The following SLC18A2 variants were observed in gnomAD, a reference collection of about 807,000 sequenced individuals.
The protein encoded by SLC18A2 is solute carrier family 18 member A2.
Under a neutral mutation model 59.2 loss-of-function variants are expected in SLC18A2, and 33 were observed. That is an observed-to-expected ratio of 0.56 (90% CI 0.42 to 0.75). The LOEUF is 0.75. SLC18A2 is among the 30% of genes least tolerant of loss of function. The probability of loss-of-function intolerance (pLI) is 0.00; values close to 1 mark genes in which losing one functional copy is unlikely to be tolerated. For missense variants in SLC18A2, 569 were observed against 668.6 expected (o/e 0.85, Z 1.64); for synonymous variants, 228 against 253.5 (o/e 0.90, Z 0.95).
intron 12 of SLC18A2, 157 bp from the exon 13 acceptor site, chr10:117,267,516 G>T (rs185965469): frequency 3.4e-4 from 172 of 507,920 alleles, no homozygotes; most frequent in Middle Eastern, 1.1e-3. Flanking sequence ...AGATTTGGAG[G>T]GTCCGGTTCT....
chr10:117,244,696 A>G (rs1336060718), intron 3 of SLC18A2, among the ~76,000 whole-genome samples: 1 of 152,160 alleles, frequency 6.6e-6, no homozygotes, highest in Non-Finnish European at 1.5e-5. Flanking sequence ...GCCTCCTCTT[A>G]TCTCCTACCT....
chr10:117,259,746 G>A (rs528210274), intron 10 of SLC18A2, among the ~76,000 whole-genome samples: 4 of 152,286 alleles, frequency 2.6e-5, no homozygotes, highest in South Asian at 2.1e-4. Context: ...GTAGGAGCCC[G>A]AGGGACCTTT....
At chr10:117,261,916 GT>G (rs957310197) in intron 10 of SLC18A2, among the ~76,000 whole-genome samples, 3 of 150,578 alleles carry the variant, frequency 2.0e-5, no homozygotes, top group East Asian at 2.0e-4. Context: ...GGTGAATTTT[GT>G]TTTTTTTTGA....
At position 117,241,754 on chromosome 10, in the gene SLC18A2, C is replaced by G; in HGVS notation, c.61C>G (p.Leu21Val). ...GCAGGAGAGCCGCCGCTCGCGGAAG[C>G]TCATCCTGTTCATCGTGTTCCTGGC... ...WLQESRRSRKLILFIVFLALL... is the reference protein window; with the variant it reads ...WLQESRRSRKVILFIVFLALL... The change falls in exon 2 of 16, where the codon CTC (leucine) becomes GTC (valine). Residue 21 changes from leucine to valine, a missense_variant. Physicochemically the swap from Leu to Val is conservative, Grantham distance 32 (BLOSUM62 1). This residue lies in a region of SLC18A2 where 377 missense variants were observed against 389.8 expected (regional missense o/e 0.97). Coordinates refer to ENST00000644641, the MANE Select transcript of SLC18A2 (RefSeq NM_003054.6). The G allele has an allele frequency of 6.2e-7, 1 of 1,611,256 alleles. No homozygotes were observed.
chr10:117,241,973 G>A (rs1844061068), intron 2 of SLC18A2, 159 bp downstream of exon 2: 8 of 659,788 alleles, frequency 1.2e-5, no homozygotes, highest in South Asian at 1.1e-4. Flanking sequence ...CTGCCGCGCC[G>A]GGGCTAGGAG....
intron 10 of SLC18A2, among the ~76,000 whole-genome samples, chr10:117,265,222 T>C (rs2803812): frequency 0.99 from 150,628 of 152,334 alleles, 74,488 homozygotes; most frequent in Middle Eastern, 1. Context: ...ATTTAGCTCA[T>C]GGAGCCATTT....
chr10:117,261,627 C>G (rs562713767), intron 10 of SLC18A2, among the ~76,000 whole-genome samples: 2 of 152,278 alleles, frequency 1.3e-5, no homozygotes, highest in African/African-American at 4.8e-5. Flanking sequence ...CAGAAGCTGC[C>G]CCCTGGCTTA....
In SLC18A2 at chr10:117,244,148, A is replaced by T; in HGVS notation, c.299A>T (p.Gln100Leu). ...GCTACCAGAGACCTGACACTTCATC[A>T]GACCGCCACACAGCACATGGTGACC... The part of the protein sequence containing the change: ...GNATRDLTLH[Q>L]TATQHMVTNA... Residue 100 changes from glutamine to leucine, a missense_variant, in exon 3 of 16, where the codon CAG (glutamine) becomes CTG (leucine). Physicochemically the swap from Gln to Leu is moderately radical, Grantham distance 113. This residue lies in a region of SLC18A2 where 377 missense variants were observed against 389.8 expected (regional missense o/e 0.97). Transcript: ENST00000644641. 6.2e-7 allele frequency: 1 copy of T among 1,614,226 alleles called. No homozygotes were observed. Among genetic ancestry groups the T allele is most frequent in the Non-Finnish European group, 8.5e-7 (1 of 1,180,050 alleles).
chr10:117,261,796 G>C (rs1326371307), intron 10 of SLC18A2, among the ~76,000 whole-genome samples: 1 of 152,210 alleles, frequency 6.6e-6, no homozygotes, highest in Non-Finnish European at 1.5e-5. Flanking sequence ...CTGCTAATGG[G>C]GTGTGAGGTT....
intron 3 of SLC18A2, among the ~76,000 whole-genome samples, chr10:117,246,332 CT>C (rs1565001521): frequency 1.3e-5 from 2 of 152,152 alleles, no homozygotes; most frequent in Non-Finnish European, 2.9e-5. Context: ...AAATGAAAAG[CT>C]TTTTTAAAAA....
chr10:117,257,123 A>C (rs1298078557), intron 9 of SLC18A2, among the ~76,000 whole-genome samples: 2 of 152,170 alleles, frequency 1.3e-5, no homozygotes, highest in Non-Finnish European at 2.9e-5. Context: ...ATATTCTTTG[A>C]ATTTGTTGTA....
In SLC18A2 at chr10:117,257,881, A is replaced by G. The variant is rs148985920; in HGVS notation, c.980A>G (p.Lys327Arg). The G allele has an allele frequency of 6.2e-7, 1 of 1,611,060 alleles. No individual in the cohort carries two copies. Among genetic ancestry groups the G allele is most frequent in the Non-Finnish European group, 8.5e-7 (1 of 1,178,384 alleles). Residue 327 changes from lysine to arginine, a missense_variant, in exon 10 of 16, where the codon AAG (lysine) becomes AGG (arginine). This residue lies in a region of SLC18A2 where 192 missense variants were observed against 278.8 expected (regional missense o/e 0.69). Coordinates refer to ENST00000644641, the MANE Select transcript of SLC18A2 (RefSeq NM_003054.6). Reference sequence around the variant, plus strand: ...ATGATGGAGACCATGTGTTCCCGAAAGTGGCAGCTGGGTAAGGACTGGGGT... The same window carrying G: ...ATGATGGAGACCATGTGTTCCCGAAGGTGGCAGCTGGGTAAGGACTGGGGT... ...IWMMETMCSRKWQLGVAFLPA... is the reference protein window; with the variant it reads ...IWMMETMCSRRWQLGVAFLPA...
In SLC18A2 at chr10:117,257,908, G is replaced by T. The variant is rs374262508; in HGVS notation, c.991+16G>T. The T allele has an allele frequency of 3.8e-6, 6 of 1,571,586 alleles. No homozygotes were observed. The highest frequency in any genetic ancestry group is 5.2e-6 in the Non-Finnish European group (6 of 1,149,944). On this transcript the variant is annotated intron_variant, in intron 10 of 15. Coordinates refer to ENST00000644641, the MANE Select transcript of SLC18A2 (RefSeq NM_003054.6). ...TGGCAGCTGGGTAAGGACTGGGGTG[G>T]GCTCTTCTGATTCAAGAGCATTTGT...
Position 117,257,868 on chromosome 10 carries a change from A to C in SLC18A2, c.967A>C (p.Met323Leu). ...CCTGCCCATCTGGATGATGGAGACCATGTGTTCCCGAAAGTGGCAGCTGGG... is the reference window on the plus strand; with the variant it reads ...CCTGCCCATCTGGATGATGGAGACCCTGTGTTCCCGAAAGTGGCAGCTGGG... ...PALPIWMMET[M>L]CSRKWQLGVA... Residue 323 changes from methionine to leucine, a missense_variant, in exon 10 of 16, where the codon ATG (methionine) becomes CTG (leucine). By Grantham distance (15) the Met-to-Leu change is conservative. Transcript: ENST00000644641. 1 of 1,611,928 alleles carries C rather than the reference A, an allele frequency of 6.2e-7. No homozygotes were observed. The highest frequency in any genetic ancestry group is 8.5e-7 in the Non-Finnish European group (1 of 1,178,918).
chr10:117,243,121 A>G (rs1844073728), intron 2 of SLC18A2, among the ~76,000 whole-genome samples: 2 of 152,258 alleles, frequency 1.3e-5, no homozygotes, highest in Admixed American at 1.3e-4. Context: ...CACTCATAAT[A>G]GAAGGATGAA....
chr10:117,245,127 G>A (rs1458828631), intron 3 of SLC18A2, among the ~76,000 whole-genome samples: 5 of 152,182 alleles, frequency 3.3e-5, no homozygotes, highest in Admixed American at 3.3e-4. Flanking sequence ...CTGAGAGGAG[G>A]AGGCAGGCCC....
At chr10:117,274,894 G>A (rs902047113) in intron 15 of SLC18A2, among the ~76,000 whole-genome samples, 1 of 152,074 alleles carries the variant, frequency 6.6e-6, no homozygotes, top group Non-Finnish European at 1.5e-5. Context: ...TAGGTGTCCC[G>A]TCAGCTGTTG....
At chr10:117,246,580 T>C (rs1844112881) in intron 3 of SLC18A2, among the ~76,000 whole-genome samples, 1 of 152,238 alleles carries the variant, frequency 6.6e-6, no homozygotes, top group Non-Finnish European at 1.5e-5. Flanking sequence ...TCCCCAACTG[T>C]TTTGTCCAGC....
At chr10:117,250,303 A>G (rs1326544348) in intron 3 of SLC18A2, among the ~76,000 whole-genome samples, 1 of 152,184 alleles carries the variant, frequency 6.6e-6, no homozygotes, top group Non-Finnish European at 1.5e-5. Flanking sequence ...AGGCGGCAAC[A>G]TGAGCCTGGT....
Sources: gnomAD v4.1 joint callset for allele counts (sites outside exome capture counted in the v4.1 genomes callset) on GRCh38, gnomAD v4.1.1 for gene constraint, gnomAD v4.1.1 regional missense constraint, MANE v1.5 for transcripts, NCBI Gene and HGNC (gene_info 2026-07-23, HGNC 2026-07-21) for gene names.